Variants in FUT9 observed in about 807,000 individuals in gnomAD.
The protein encoded by FUT9 is fucosyltransferase 9.
A neutral mutation model predicts 29.7 loss-of-function variants in FUT9; 15 were observed. The observed-to-expected ratio is 0.51, with a 90% CI of 0.34 to 0.78. FUT9 has a LOEUF of 0.78. FUT9 is among the 30% of genes least tolerant of loss of function. The pLI is 0.01. For missense variants in FUT9, 319 were observed against 425.4 expected, an observed-to-expected ratio of 0.75 and a Z score of 2.20; for synonymous variants, 169 against 153.7, an observed-to-expected ratio of 1.10 and a Z score of -0.74.
intron 1 of FUT9, among the ~76,000 whole-genome samples, chr6:96,025,681 T>C (rs1770155454): frequency 6.6e-6 from 1 of 151,634 alleles, no homozygotes; most frequent in Non-Finnish European, 1.5e-5. Context: ...CCCAATTAAC[T>C]TGGAATATTT....
At chr6:96,058,027 G>A (rs1770804171) in intron 1 of FUT9, among the ~76,000 whole-genome samples, 1 of 151,874 alleles carries the variant, frequency 6.6e-6, no homozygotes, top group African/African-American at 2.4e-5. Context: ...GATCTCATCT[G>A]GACTGCTGCT....
chr6:96,063,872 G>A (rs1770917336), intron 1 of FUT9, among the ~76,000 whole-genome samples: 1 of 152,136 alleles, frequency 6.6e-6, no homozygotes, highest in Non-Finnish European at 1.5e-5. Context: ...GACTGGCAAG[G>A]AGCTTATGGT....
At chr6:96,065,858 T>A (rs1209942922) in intron 1 of FUT9, among the ~76,000 whole-genome samples, 1 of 152,172 alleles carries the variant, frequency 6.6e-6, no homozygotes, top group Non-Finnish European at 1.5e-5. Flanking sequence ...CAGAAAGGAA[T>A]AGATTGTTGT....
chr6:96,081,819 C>G (rs1243054289), intron 1 of FUT9, among the ~76,000 whole-genome samples: 3 of 151,892 alleles, frequency 2.0e-5, no homozygotes, highest in Non-Finnish European at 4.4e-5. Context: ...TCCATTCCCT[C>G]ACCAATACTC....
At chr6:96,089,120 G>A (rs1049973887) in intron 1 of FUT9, among the ~76,000 whole-genome samples, 7 of 152,098 alleles carry the variant, frequency 4.6e-5, no homozygotes, top group African/African-American at 1.7e-4. Context: ...ACTATTCCTG[G>A]CCATATGTGA....
At chr6:96,194,347 C>A (rs1487214269) in intron 2 of FUT9, among the ~76,000 whole-genome samples, 2 of 152,080 alleles carry the variant, frequency 1.3e-5, no homozygotes, top group Admixed American at 6.6e-5. Flanking sequence ...CCAGATGTTG[C>A]TGATGCTGCT....
chr6:96,128,658 C>G (rs953637711), intron 2 of FUT9, among the ~76,000 whole-genome samples: 1 of 152,196 alleles, frequency 6.6e-6, no homozygotes, highest in African/African-American at 2.4e-5. Flanking sequence ...GTATGCACCA[C>G]TAAGAAGCCT....
At chr6:96,177,405 C>G (rs1158900014) in intron 2 of FUT9, among the ~76,000 whole-genome samples, 1 of 151,916 alleles carries the variant, frequency 6.6e-6, no homozygotes, top group African/African-American at 2.4e-5. Flanking sequence ...ATTTCCCCTA[C>G]AACAGTCCTC....
At position 96,208,476 on chromosome 6, in the gene FUT9, G is replaced by A. The variant is rs576262794; in HGVS notation, c.*4241G>A. The A allele has an allele frequency of 3.6e-5, 6 of 166,740 alleles. 1 individual carries two copies. The South Asian group carries it at 1.0e-3, about 29-fold the overall frequency. The allele number at this position is 166,740 out of a possible 1,614,324, so 10.3% of individuals were successfully genotyped here. A position where few individuals can be genotyped will look rare whatever the true frequency, so the allele number is the denominator to read the frequency against. On this transcript the variant is annotated 3_prime_UTR_variant, in exon 3 of 3. Coordinates refer to ENST00000302103, the MANE Select transcript of FUT9 (RefSeq NM_006581.4). ...AGCACAGTGCCTAATGTACAGGAGG[G>A]TCATATCAAATACTTGTTGAATAAA...
chr6:96,141,084 A>C (rs551005393), intron 2 of FUT9, among the ~76,000 whole-genome samples: 1 of 152,312 alleles, frequency 6.6e-6, no homozygotes, highest in South Asian at 2.1e-4. Flanking sequence ...CTTTGACTAA[A>C]ATTAATGAGA....
At chr6:96,150,399 C>T (rs1236614696) in intron 2 of FUT9, among the ~76,000 whole-genome samples, 2 of 152,124 alleles carry the variant, frequency 1.3e-5, no homozygotes, top group Non-Finnish European at 2.9e-5. Flanking sequence ...GAGGCACCAA[C>T]TGAAAAGAGG....
At chr6:96,097,189 C>T (rs1008853310) in intron 1 of FUT9, among the ~76,000 whole-genome samples, 1 of 152,232 alleles carries the variant, frequency 6.6e-6, no homozygotes, top group South Asian at 2.1e-4. Flanking sequence ...AATGCATACT[C>T]TTCTTCTCAC....
chr6:96,053,943 G>A (rs1446630085), intron 1 of FUT9, among the ~76,000 whole-genome samples: 1 of 152,028 alleles, frequency 6.6e-6, no homozygotes, highest in Non-Finnish European at 1.5e-5. Flanking sequence ...AATACTATAT[G>A]AGATATAAAA....
intron 2 of FUT9, among the ~76,000 whole-genome samples, chr6:96,176,133 C>T (rs1247981012): frequency 9.9e-5 from 15 of 152,236 alleles, no homozygotes; most frequent in African/African-American, 2.6e-4. Flanking sequence ...AGCCTTGGAC[C>T]GAGAGTTACA....
chr6:96,191,451 A>G (rs1773507118), intron 2 of FUT9, among the ~76,000 whole-genome samples: 1 of 152,156 alleles, frequency 6.6e-6, no homozygotes, highest in Non-Finnish European at 1.5e-5. Flanking sequence ...TGCTATAAAC[A>G]CCTCTATGCA....
At chr6:96,060,562 A>G (rs1205280828) in intron 1 of FUT9, among the ~76,000 whole-genome samples, 1 of 148,154 alleles carries the variant, frequency 6.7e-6, no homozygotes, top group Non-Finnish European at 1.5e-5. Context: ...TTTGACATGG[A>G]GTCTCTCTCT....
At chr6:96,137,541 G>A (rs1342306552) in intron 2 of FUT9, among the ~76,000 whole-genome samples, 1 of 152,006 alleles carries the variant, frequency 6.6e-6, no homozygotes, top group Non-Finnish European at 1.5e-5. Context: ...GAACTTTACA[G>A]TGGAGAAACC....
intron 1 of FUT9, among the ~76,000 whole-genome samples, chr6:96,055,558 G>T (rs1770748162): frequency 6.6e-6 from 1 of 151,354 alleles, no homozygotes. Flanking sequence ...TTGTTCAAGG[G>T]TAAATGTGCA....
chr6:96,107,488 C>T (rs932602793), intron 1 of FUT9, among the ~76,000 whole-genome samples: 1 of 152,106 alleles, frequency 6.6e-6, no homozygotes, highest in African/African-American at 2.4e-5. Context: ...CTGCTTAAAG[C>T]TCAGGAGAAG....
Sources: gnomAD v4.1 joint callset for allele counts (sites outside exome capture counted in the v4.1 genomes callset) on GRCh38, gnomAD v4.1.1 for gene constraint, MANE v1.5 for transcripts, NCBI Gene and HGNC (gene_info 2026-07-23, HGNC 2026-07-21) for gene names.